THSD7A: variants seen among roughly 807,000 people sequenced by gnomAD.
THSD7A encodes the protein thrombospondin type-1 domain-containing protein 7A.
A neutral mutation model predicts 231.3 loss-of-function variants in THSD7A; 96 were observed. The observed-to-expected ratio is 0.41, with a 90% confidence interval of 0.35 to 0.49. The LOEUF (loss-of-function observed/expected upper bound fraction) is 0.49, where lower values mean the gene tolerates loss of function less well. Among genes scored for constraint, THSD7A ranks in the 20% least tolerant of loss-of-function variants. The pLI, the probability that THSD7A is intolerant of heterozygous loss-of-function variation, is 0.05. For synonymous variants in THSD7A, 940 were observed against 743.3 expected (o/e 1.26, Z -4.30); for missense variants, 2,290 against 2,070.2 (o/e 1.11, Z -2.06).
intron 4 of THSD7A, among the ~76,000 whole-genome samples, chr7:11,546,230 A>ACACAAACACACG (rs1477394829): frequency 6.6e-6 from 1 of 151,164 alleles, no homozygotes; most frequent in Non-Finnish European, 1.5e-5. Flanking sequence ...ACACACACAC[A>ACACAAACACACG]CGTGGACCCT....
intron 1 of THSD7A, among the ~76,000 whole-genome samples, chr7:11,752,995 A>T (rs1484852887): frequency 6.6e-6 from 1 of 152,084 alleles, no homozygotes. Context: ...ACATAGTTCA[A>T]TTTTGTGTAA....
intron 6 of THSD7A, among the ~76,000 whole-genome samples, chr7:11,506,874 C>CCT (rs373112750): frequency 0.28 from 43,008 of 151,914 alleles, 6,240 homozygotes; most frequent in South Asian, 0.42. Flanking sequence ...TCACCGTACC[C>CCT]CTTTGTTTTT....
At chr7:11,722,196 T>G (rs986211401) in intron 1 of THSD7A, among the ~76,000 whole-genome samples, 1 of 151,872 alleles carries the variant, frequency 6.6e-6, no homozygotes, top group Admixed American at 6.6e-5. Flanking sequence ...AAAGCAAGAA[T>G]GAAAACGGTC....
At chr7:11,662,564 T>A (rs111838243) in intron 1 of THSD7A, among the ~76,000 whole-genome samples, 1 of 151,286 alleles carries the variant, frequency 6.6e-6, no homozygotes, top group African/African-American at 2.4e-5. Context: ...ATAATTGGCA[T>A]ACACACACAC....
intron 1 of THSD7A, among the ~76,000 whole-genome samples, chr7:11,813,265 C>T (rs1166641779): frequency 6.6e-6 from 1 of 152,122 alleles, no homozygotes; most frequent in Non-Finnish European, 1.5e-5. Flanking sequence ...AGATTTTCTT[C>T]CTAAATGCAC....
chr7:11,380,589 C>T (rs900784676), intron 24 of THSD7A, among the ~76,000 whole-genome samples: 11 of 152,130 alleles, frequency 7.2e-5, no homozygotes, highest in African/African-American at 2.7e-4. Context: ...AGCAGTTAGT[C>T]ATTGCAAGGC....
rs555749649 is a variant in THSD7A at position 11,794,119 on chromosome 7, C to G, written c.190+37638G>C. 2.0e-5 allele frequency among the ~76,000 whole-genome samples: 3 copies of G among 151,956 alleles called. No homozygotes were observed. The South Asian group carries it at 6.2e-4, about 32-fold the overall frequency. On this transcript the variant is annotated intron_variant, in intron 1 of 27. Coordinates refer to ENST00000423059, the MANE Select transcript of THSD7A (RefSeq NM_015204.3). ...ATTCCTTTACTTAATTATATTCTAA[C>G]ATATGTAATTTCCATTATAATAAGT...
At chr7:11,615,117 T>A (rs1781061277) in intron 2 of THSD7A, among the ~76,000 whole-genome samples, 1 of 152,168 alleles carries the variant, frequency 6.6e-6, no homozygotes, top group Admixed American at 6.5e-5. Context: ...AGACTACATA[T>A]CTCTGGCTCC....
At chr7:11,570,861 G>A (rs1007997678) in intron 4 of THSD7A, among the ~76,000 whole-genome samples, 2 of 152,192 alleles carry the variant, frequency 1.3e-5, no homozygotes, top group East Asian at 3.9e-4. Context: ...CATGAAATGT[G>A]AAAAGAACTC....
intron 6 of THSD7A, among the ~76,000 whole-genome samples, chr7:11,485,001 C>T (rs981166671): frequency 2.0e-5 from 3 of 147,810 alleles, no homozygotes; most frequent in African/African-American, 7.5e-5. Context: ...AGCGATTCTC[C>T]TGCCTCAGCC....
chr7:11,664,827 C>A (rs1246658646), intron 1 of THSD7A, among the ~76,000 whole-genome samples: 1 of 151,950 alleles, frequency 6.6e-6, no homozygotes, highest in Non-Finnish European at 1.5e-5. Flanking sequence ...CATGGATAAC[C>A]TTGAGAGCCT....
chr7:11,638,896 T>C (rs1192119157), intron 1 of THSD7A, among the ~76,000 whole-genome samples: 1 of 152,170 alleles, frequency 6.6e-6, no homozygotes, highest in Non-Finnish European at 1.5e-5. Flanking sequence ...TCTTAAAGAT[T>C]TTTCTAAATA....
At chr7:11,486,129 T>C (rs1456278721) in intron 6 of THSD7A, among the ~76,000 whole-genome samples, 5 of 152,336 alleles carry the variant, frequency 3.3e-5, no homozygotes, top group African/African-American at 9.6e-5. Context: ...TTTGAGGCTA[T>C]TAATTTTATC....
chr7:11,635,761 G>C (rs1781815241), intron 2 of THSD7A, among the ~76,000 whole-genome samples: 1 of 151,978 alleles, frequency 6.6e-6, no homozygotes, highest in South Asian at 2.1e-4. Context: ...TTTTCTATTA[G>C]CTCACTAAAA....
rs1783580066 is a variant in THSD7A at position 11,406,333 on chromosome 7, C to T, written c.4204G>A (p.Val1402Ile). ...ELIIDGNKNM[V>I]LEESCSQPCP... is the part of the protein sequence containing the mutation. Reference sequence around the variant, plus strand: ...GGCTGGCTGCAGGATTCCTCCAGAACCATATTTTTATTACCATCTATAATG... The same window carrying T: ...GGCTGGCTGCAGGATTCCTCCAGAATCATATTTTTATTACCATCTATAATG... Residue 1402 changes from valine (V) to isoleucine (I), a missense_variant, in exon 22 of 28, where the codon GTT becomes ATT. Transcript: ENST00000423059. The surrounding 1 kb of genome is among the most constrained non-coding windows in gnomAD (Gnocchi z 4.7). 3 of 1,613,024 alleles carry T rather than the reference C, an allele frequency of 1.9e-6. No individual in the cohort carries two copies. Among genetic ancestry groups the T allele is most frequent in the Non-Finnish European group, 2.5e-6 (3 of 1,179,566 alleles).
intron 1 of THSD7A, among the ~76,000 whole-genome samples, chr7:11,811,155 C>A (rs945092655): frequency 5.9e-5 from 9 of 152,122 alleles, no homozygotes; most frequent in African/African-American, 2.2e-4. Context: ...TGTAATGTCT[C>A]TTTTGTCCAT....
chr7:11,718,505 C>T (rs750132899), intron 1 of THSD7A, among the ~76,000 whole-genome samples: 52 of 151,570 alleles, frequency 3.4e-4, no homozygotes, highest in Non-Finnish European at 7.1e-4. Context: ...AGTTGCATTC[C>T]ATGGAACTAG....
chr7:11,777,414 TACACACACACACACACACAC>T (rs66487858), intron 1 of THSD7A, among the ~76,000 whole-genome samples: 41 of 147,282 alleles, frequency 2.8e-4, no homozygotes, highest in African/African-American at 5.0e-4. Flanking sequence ...GTAAATTAAG[TACACACACACACACACACAC>T]ACACACACAC....
chr7:11,385,640 A>T (rs978235965), intron 23 of THSD7A: 1 of 151,966 alleles, frequency 6.6e-6, no homozygotes, highest in Non-Finnish European at 1.5e-5. Flanking sequence ...TATTTCAACA[A>T]TTATAGTCAT....
Sources: gnomAD v4.1 joint callset for allele counts (sites outside exome capture counted in the v4.1 genomes callset) on GRCh38, gnomAD v4.1.1 for gene constraint, Gnocchi (gnomAD v3.1) non-coding constraint, MANE v1.5 for transcripts, NCBI Gene and HGNC (gene_info 2026-07-23, HGNC 2026-07-21) for gene names.